ALKBH5: variants seen among roughly 807,000 people sequenced by gnomAD.
The protein encoded by ALKBH5 is alkB homolog 5, RNA demethylase, also known as RNA demethylase ALKBH5.
In ALKBH5, 2 loss-of-function variants were observed where a neutral mutation model predicts 32.1. That is an observed-to-expected ratio of 0.06 (90% CI 0.03 to 0.20). ALKBH5 has a LOEUF of 0.20. Among genes scored for constraint, ALKBH5 ranks in the 10% least tolerant of loss-of-function variants. ALKBH5 has a pLI of 1.00. For synonymous variants in ALKBH5, 300 were observed against 231.7 expected, an observed-to-expected ratio of 1.29 and a Z score of -2.68; for missense variants, 352 against 559.5, an observed-to-expected ratio of 0.63 and a Z score of 3.74.
At chr17:18,208,050 G>A (rs2142492804) in intron 3 of ALKBH5, among the ~76,000 whole-genome samples, 169 bp from the exon 4 acceptor site, 1 of 152,308 alleles carries the variant, frequency 6.6e-6, no homozygotes, top group East Asian at 1.9e-4. Context: ...ATGGTCACTG[G>A]CACTTAGTGG....
At chr17:18,189,543 A>G (rs2142471304) in intron 1 of ALKBH5, among the ~76,000 whole-genome samples, 1 of 152,258 alleles carries the variant, frequency 6.6e-6, no homozygotes. Context: ...GAGGCCAGCA[A>G]GGCCCCCTGG....
At chr17:18,185,150 C>A in intron 1 of ALKBH5, 137 bp downstream of exon 1, 2 of 1,419,316 alleles carry the variant, frequency 1.4e-6, no homozygotes, top group Non-Finnish European at 1.9e-6. Flanking sequence ...TTGTAGGGAG[C>A]GAGAGAAGGG....
At chr17:18,192,169 A>G (rs1056095602) in intron 1 of ALKBH5, among the ~76,000 whole-genome samples, 3 of 152,196 alleles carry the variant, frequency 2.0e-5, no homozygotes, top group Admixed American at 6.5e-5. Flanking sequence ...TCTCTTTGGC[A>G]GATGCTGAAT....
chr17:18,199,517 A>G (rs977784164), intron 2 of ALKBH5, among the ~76,000 whole-genome samples: 4 of 152,142 alleles, frequency 2.6e-5, no homozygotes, highest in Admixed American at 6.5e-5. Context: ...GCATCCACAT[A>G]TTAACCTTGA....
intron 2 of ALKBH5, among the ~76,000 whole-genome samples, chr17:18,201,784 TAGGATAGATA>T (rs1204268068): frequency 3.7e-3 from 358 of 97,162 alleles, no homozygotes; most frequent in African/African-American, 5.8e-3. Context: ...GATAGATAGA[TAGGATAGATA>T]AGATAGATAG....
intron 2 of ALKBH5, among the ~76,000 whole-genome samples, chr17:18,203,145 C>G (rs2047251556): frequency 6.6e-6 from 1 of 151,862 alleles, no homozygotes; most frequent in African/African-American, 2.4e-5. Context: ...TCTGAAACTC[C>G]TGGCTTTTAA....
At position 18,207,443 on chromosome 17, in the gene ALKBH5, A is replaced by G. The variant is rs374455422; in HGVS notation, c.1007+473A>G. Among the ~76,000 whole-genome samples, 288 of 152,320 alleles carry G rather than the reference A, an allele frequency of 1.9e-3. 8 individuals are homozygous for G. The South Asian group carries it at 0.056, about 30-fold the overall frequency. On this transcript the variant is annotated intron_variant, in intron 3 of 3. Transcript: ENST00000399138. Reference sequence around the variant, plus strand: ...TTTGGGAGGCCAAGGCAGGCAGATCACGAGGTCAGGTGATCGAGACCATCC... The same window carrying G: ...TTTGGGAGGCCAAGGCAGGCAGATCGCGAGGTCAGGTGATCGAGACCATCC...
chr17:18,195,925 C>T (rs560073101), intron 2 of ALKBH5, among the ~76,000 whole-genome samples: 6 of 152,096 alleles, frequency 3.9e-5, no homozygotes, highest in South Asian at 2.1e-4. Flanking sequence ...TGCTGTCTGT[C>T]GTCTTCTTCC....
Position 18,208,474 on chromosome 17 carries a change from T to G in ALKBH5, c.*78T>G. 1.9e-6 allele frequency: 3 copies of G among 1,539,392 alleles called. No homozygotes were observed. Among genetic ancestry groups the G allele is most frequent in the Non-Finnish European group, 2.7e-6 (3 of 1,126,924 alleles). ...TCCTTTTGTTTTGAGGGTTTTGTTTTTGTTCATTGGGGGGTTTTTGTTTTT... is the reference window on the plus strand; with the variant it reads ...TCCTTTTGTTTTGAGGGTTTTGTTTGTGTTCATTGGGGGGTTTTTGTTTTT... On this transcript the variant is annotated 3_prime_UTR_variant, in exon 4 of 4. Transcript: ENST00000399138.
At position 18,183,934 on chromosome 17, in the gene ALKBH5, C is replaced by T. The variant is rs1334749685; in HGVS notation, c.-310C>T. ...CGGGCCGGGCGTCCGAGGGTCTGGTCGGGAGTCGGGCCGCGTCTCCGCAGC... is the reference window on the plus strand; with the variant it reads ...CGGGCCGGGCGTCCGAGGGTCTGGTTGGGAGTCGGGCCGCGTCTCCGCAGC... On this transcript the variant is annotated 5_prime_UTR_variant, in exon 1 of 4. Transcript: ENST00000399138. 3 of 570,818 alleles carry T rather than the reference C, an allele frequency of 5.3e-6. No individual in the cohort carries two copies. Among genetic ancestry groups the T allele is most frequent in the Non-Finnish European group, 9.8e-6 (3 of 306,118 alleles). The allele number at this position is 570,818 out of a possible 1,614,324, so 35.4% of individuals were successfully genotyped here. A position where few individuals can be genotyped will look rare whatever the true frequency, so the allele number is the denominator to read the frequency against.
chr17:18,195,780 G>A (rs2047201155), intron 2 of ALKBH5, among the ~76,000 whole-genome samples: 1 of 152,168 alleles, frequency 6.6e-6, no homozygotes, highest in African/African-American at 2.4e-5. Context: ...TGGGAATAGA[G>A]GCAAGTGCCA....
intron 3 of ALKBH5, 24 bp from the exon 4 acceptor site, chr17:18,208,195 C>CGT (rs746303361): frequency 1.9e-6 from 3 of 1,584,034 alleles, no homozygotes; most frequent in Non-Finnish European, 2.6e-6. Flanking sequence ...TCTCAGATAA[C>CGT]GTCCTACCTC....
intron 2 of ALKBH5, among the ~76,000 whole-genome samples, chr17:18,201,401 A>G (rs544049057): frequency 2.0e-5 from 3 of 152,184 alleles, no homozygotes; most frequent in Non-Finnish European, 4.4e-5. Flanking sequence ...CTCCAAATGC[A>G]GTCTTATCTG....
chr17:18,184,378 C>T lies in ALKBH5; in HGVS notation c.135C>T (p.Ala45=), dbSNP rs961548571. 2.6e-6 allele frequency: 4 copies of T among 1,519,372 alleles called. No homozygotes were observed. Among genetic ancestry groups the T allele is most frequent in the Admixed American group, 2.3e-5 (1 of 43,596 alleles). 94.1% of individuals were successfully genotyped at this position (1,519,372 alleles called of 1,614,324 possible). A position where few individuals can be genotyped will look rare whatever the true frequency, so the allele number is the denominator to read the frequency against. ...AAAVAAAAAA[A]AAAEPYPVSG... Reference sequence around the variant, plus strand: ...CCGTAGCCGCCGCAGCCGCAGCCGCCGCTGCCGCCGAACCTTACCCTGTGT... The same window carrying T: ...CCGTAGCCGCCGCAGCCGCAGCCGCTGCTGCCGCCGAACCTTACCCTGTGT... The change falls in exon 1 of 4, where the codon GCC becomes GCT. Residue 45 remains alanine, a synonymous_variant. Coordinates refer to ENST00000399138, the MANE Select transcript of ALKBH5 (RefSeq NM_017758.4).
chr17:18,197,328 G>A (rs1451044447), intron 2 of ALKBH5, among the ~76,000 whole-genome samples: 1 of 152,186 alleles, frequency 6.6e-6, no homozygotes, highest in Non-Finnish European at 1.5e-5. Flanking sequence ...ACCAGCATAG[G>A]CAAGAACTCG....
intron 3 of ALKBH5, among the ~76,000 whole-genome samples, chr17:18,207,316 T>C (rs990630135): frequency 6.6e-6 from 1 of 152,160 alleles, no homozygotes; most frequent in Admixed American, 6.5e-5. Context: ...CAGGGACTTA[T>C]TTCAAAAAGG....
At chr17:18,192,649 A>G (rs2047183320) in intron 1 of ALKBH5, among the ~76,000 whole-genome samples, 1 of 152,184 alleles carries the variant, frequency 6.6e-6, no homozygotes, top group South Asian at 2.1e-4. Context: ...TCTTCAACTC[A>G]CTAACTCCTG....
chr17:18,187,130 T>C (rs1223140232), intron 1 of ALKBH5, among the ~76,000 whole-genome samples: 8 of 152,082 alleles, frequency 5.3e-5, no homozygotes, highest in Admixed American at 2.6e-4. Flanking sequence ...GGATAAGTTA[T>C]AGCCCAGGAA....
Position 18,202,011 on chromosome 17 carries a change from A to G in ALKBH5, c.852-4804A>G, listed in dbSNP as rs1021815327. Among the ~76,000 whole-genome samples, 21 of 151,824 alleles carry G rather than the reference A, an allele frequency of 1.4e-4. No homozygotes were observed. The East Asian group carries it at 4.1e-3, about 30-fold the overall frequency. On this transcript the variant is annotated intron_variant, in intron 2 of 3. Coordinates refer to ENST00000399138, the MANE Select transcript of ALKBH5 (RefSeq NM_017758.4). ...GGCTGGGTGATAGACCTTGTTTCAA[A>G]GAAAGTAATTAATTGGCCGGGTGCG...
Sources: allele counts gnomAD v4.1 joint callset (sites outside exome capture counted in the v4.1 genomes callset), GRCh38; gene constraint gnomAD v4.1.1; transcripts MANE v1.5; gene names NCBI Gene and HGNC (gene_info 2026-07-23, HGNC 2026-07-21).